Variants in IL1RAPL2 observed in about 807,000 individuals in gnomAD.
IL1RAPL2 encodes X-linked interleukin-1 receptor accessory protein-like 2.
A neutral mutation model predicts 44.1 loss-of-function variants in IL1RAPL2; 3 were observed. The ratio of observed to expected loss-of-function variants is 0.07; its 90% CI spans 0.03 to 0.18. The LOEUF (loss-of-function observed/expected upper bound fraction) is 0.18, where lower values mean the gene tolerates loss of function less well. Ranked by LOEUF, IL1RAPL2 falls within the 10% of genes least tolerant of loss-of-function variation. The probability of loss-of-function intolerance (pLI) is 1.00; values close to 1 mark genes in which losing one functional copy is unlikely to be tolerated. For missense variants in IL1RAPL2, 391 were observed against 496.4 expected, an observed-to-expected ratio of 0.79 and a Z score of 2.02; for synonymous variants, 181 against 178.8, an observed-to-expected ratio of 1.01 and a Z score of -0.10.
At chrX:105,048,242 C>T (rs1436800764) in intron 2 of IL1RAPL2, among the ~76,000 whole-genome samples, 1 of 111,596 alleles carries the variant, frequency 9.0e-6, no homozygotes, top group Non-Finnish European at 1.9e-5. Context: ...GGGGAAGAGT[C>T]CACTTAACAA....
At chrX:105,297,376 C>A (rs1379148785) in intron 5 of IL1RAPL2, among the ~76,000 whole-genome samples, 1 of 111,641 alleles carries the variant, frequency 9.0e-6, no homozygotes, top group African/African-American at 3.3e-5. Flanking sequence ...AGATTTTAAG[C>A]GGGGTGTTTT....
intron 6 of IL1RAPL2, among the ~76,000 whole-genome samples, chrX:105,605,001 G>A (rs966029913): frequency 9.1e-6 from 1 of 110,026 alleles, no homozygotes; most frequent in Non-Finnish European, 1.9e-5. Context: ...ATACAATAAA[G>A]GCCATATATG....
intron 2 of IL1RAPL2, among the ~76,000 whole-genome samples, chrX:105,127,946 A>T (rs2147575802): frequency 9.0e-6 from 1 of 111,354 alleles, no homozygotes; most frequent in African/African-American, 3.2e-5. Context: ...CCTAGACTTC[A>T]TTCCATTTAG....
At chrX:105,437,696 C>A (rs1160842099) in intron 5 of IL1RAPL2, among the ~76,000 whole-genome samples, 5 of 110,996 alleles carry the variant, frequency 4.5e-5, no homozygotes. Context: ...GTTCTATGTA[C>A]CCAGTTTCAA....
rs764184861 is a variant in IL1RAPL2 at position 104,950,853 on chromosome X, G to A, written c.83-244622G>A. Among the ~76,000 whole-genome samples, 5 of 110,933 alleles carry A rather than the reference G, an allele frequency of 4.5e-5. No homozygotes were observed. The East Asian group carries it at 1.1e-3, about 25-fold the overall frequency. ...CTCCCGAGTAGCTGGGACTACAGGC[G>A]CCCGCCACCTCGCCCGGCTAATTCT... On this transcript the variant is annotated intron_variant, in intron 2 of 10. Coordinates refer to ENST00000372582, the MANE Select transcript of IL1RAPL2 (RefSeq NM_017416.2).
At chrX:105,171,653 C>T (rs1199172495) in intron 2 of IL1RAPL2, among the ~76,000 whole-genome samples, 1 of 106,063 alleles carries the variant, frequency 9.4e-6, no homozygotes, top group African/African-American at 3.5e-5. Context: ...CCTGTCCAGG[C>T]TTCAAGCCTG....
chrX:105,097,330 C>CAAAAAAAAAAAAAAAAAAAAAAAAA (rs201390547), intron 2 of IL1RAPL2, among the ~76,000 whole-genome samples: 3 of 43,199 alleles, frequency 6.9e-5, no homozygotes, highest in African/African-American at 3.2e-4. Context: ...CAGTGTCAGA[C>CAAAAAAAAAAAAAAAAAAAAAAAAA]AAAAAAAAAA....
intron 2 of IL1RAPL2, among the ~76,000 whole-genome samples, chrX:104,922,606 G>T (rs990452875): frequency 9.0e-6 from 1 of 111,686 alleles, no homozygotes; most frequent in Non-Finnish European, 1.9e-5. Context: ...AAGCAAAGCC[G>T]AAGGACTCTA....
intron 5 of IL1RAPL2, among the ~76,000 whole-genome samples, chrX:105,412,811 A>G (rs1252808592): frequency 2.7e-5 from 3 of 112,128 alleles, no homozygotes; most frequent in African/African-American, 9.7e-5. Context: ...AAGTATGTAC[A>G]ACTACAATAT....
intron 5 of IL1RAPL2, among the ~76,000 whole-genome samples, chrX:105,395,036 C>T (rs982619195): frequency 1.8e-5 from 2 of 111,087 alleles, no homozygotes; most frequent in Non-Finnish European, 3.8e-5. Context: ...GTTGGTTTTA[C>T]CTCTGTAACC....
chrX:105,411,734 C>A (rs138299946), intron 5 of IL1RAPL2, among the ~76,000 whole-genome samples: 1,418 of 111,101 alleles, frequency 0.013, 6 homozygotes, highest in Non-Finnish European at 0.02. Flanking sequence ...ACTTCAACAC[C>A]CCACTTTCAA....
chrX:105,339,862 A>C (rs780608502), intron 5 of IL1RAPL2, among the ~76,000 whole-genome samples: 1 of 111,691 alleles, frequency 9.0e-6, no homozygotes, highest in South Asian at 3.8e-4. Flanking sequence ...CCACGGAAGC[A>C]GTCCACTCTG....
At chrX:104,909,242 C>T (rs1602807327) in intron 2 of IL1RAPL2, among the ~76,000 whole-genome samples, 2 of 111,518 alleles carry the variant, frequency 1.8e-5, no homozygotes, top group Non-Finnish European at 3.8e-5. Flanking sequence ...GTTATACATT[C>T]TTCTAAATTT....
At chrX:105,127,993 A>G (rs2032991125) in intron 2 of IL1RAPL2, among the ~76,000 whole-genome samples, 1 of 111,087 alleles carries the variant, frequency 9.0e-6, no homozygotes, top group Admixed American at 9.6e-5. Context: ...TAGTACTCAG[A>G]GATATTTTTG....
chrX:104,907,221 C>A (rs756650739), intron 2 of IL1RAPL2, among the ~76,000 whole-genome samples: 2 of 111,470 alleles, frequency 1.8e-5, no homozygotes, highest in Non-Finnish European at 3.8e-5. Flanking sequence ...TGCTAACAGT[C>A]TATCTATTTT....
chrX:105,393,320 C>A (rs2035540455), intron 5 of IL1RAPL2, among the ~76,000 whole-genome samples: 1 of 110,434 alleles, frequency 9.1e-6, no homozygotes, highest in African/African-American at 3.3e-5. Context: ...TGGGTGGGAT[C>A]AGTCATTTGC....
chrX:105,722,197 T>C (rs367962947), intron 7 of IL1RAPL2, among the ~76,000 whole-genome samples: 1 of 112,018 alleles, frequency 8.9e-6, no homozygotes, highest in East Asian at 2.8e-4. Flanking sequence ...AACACCATGG[T>C]AATATTTGTG....
At chrX:104,672,431 AT>A (rs1292793087) in intron 2 of IL1RAPL2, among the ~76,000 whole-genome samples, 4 of 108,933 alleles carry the variant, frequency 3.7e-5, no homozygotes, top group East Asian at 2.9e-4. Context: ...TGAACTCATC[AT>A]TTTTTATGGC....
intron 2 of IL1RAPL2, among the ~76,000 whole-genome samples, chrX:104,914,172 C>T (rs1227618642): frequency 9.0e-6 from 1 of 111,401 alleles, no homozygotes; most frequent in Non-Finnish European, 1.9e-5. Context: ...TGGATCTTTA[C>T]TAAAAACAAA....
Sources: gnomAD v4.1 joint callset for allele counts (sites outside exome capture counted in the v4.1 genomes callset) on GRCh38, gnomAD v4.1.1 for gene constraint, MANE v1.5 for transcripts, NCBI Gene and HGNC (gene_info 2026-07-23, HGNC 2026-07-21) for gene names.